Variants in TIMM9 observed in about 807,000 individuals in gnomAD.
TIMM9 encodes translocase of inner mitochondrial membrane 9, also known as mitochondrial import inner membrane translocase subunit Tim9.
TIMM9 carries 10 observed loss-of-function variants against 13.4 expected under a neutral mutation model. That is an observed-to-expected ratio of 0.75 (90% CI 0.46 to 1.26). TIMM9 has a LOEUF of 1.26. TIMM9 is among the 50% of genes most tolerant of loss of function. The pLI, the probability that TIMM9 is intolerant of heterozygous loss-of-function variation, is 0.00. For synonymous variants in TIMM9, 32 were observed against 32.1 expected, an observed-to-expected ratio of 1.00 and a Z score of 0.01; for missense variants, 87 against 100.8, an observed-to-expected ratio of 0.86 and a Z score of 0.58.
At chr14:58,425,826 TA>T (rs1228666031) in intron 2 of TIMM9, among the ~76,000 whole-genome samples, 8 of 151,920 alleles carry the variant, frequency 5.3e-5, no homozygotes, top group Admixed American at 3.9e-4. Context: ...GTAACTAAAA[TA>T]AAAAATAATG....
intron 4 of TIMM9, among the ~76,000 whole-genome samples, chr14:58,411,422 T>G (rs905331611): frequency 6.6e-6 from 1 of 151,372 alleles, no homozygotes; most frequent in Non-Finnish European, 1.5e-5. Flanking sequence ...CACTCCAGCC[T>G]GGCCGACAAA....
At chr14:58,421,408 G>T (rs1449522076) in intron 3 of TIMM9, among the ~76,000 whole-genome samples, 2 of 152,140 alleles carry the variant, frequency 1.3e-5, no homozygotes, top group African/African-American at 4.8e-5. Flanking sequence ...CTTTGTAATA[G>T]AAATATTCTG....
chr14:58,421,560 C>T (rs984341985), intron 3 of TIMM9, among the ~76,000 whole-genome samples: 6 of 152,040 alleles, frequency 3.9e-5, no homozygotes, highest in Non-Finnish European at 8.8e-5. Flanking sequence ...TCAATCCACA[C>T]TAACCTCAAA....
Position 58,427,242 on chromosome 14 carries a change from T to A in TIMM9, c.-303A>T, listed in dbSNP as rs1433999527. The A allele has an allele frequency of 1.9e-5, 4 of 208,148 alleles. No homozygotes were observed. The highest frequency in any genetic ancestry group is 1.3e-4 in the East Asian group (1 of 7,628). The allele number at this position is 208,148 out of a possible 1,614,324, so 12.9% of individuals were successfully genotyped here. A position where few individuals can be genotyped will look rare whatever the true frequency, so the allele number is the denominator to read the frequency against. ...GCCGATTCGTTATAACGCGAGGAAATCTAGAAGAAAAAGCAGGTACCATCA... is the reference window on the plus strand; with the variant it reads ...GCCGATTCGTTATAACGCGAGGAAAACTAGAAGAAAAAGCAGGTACCATCA... On this transcript the variant is annotated splice_region_variant and 5_prime_UTR_variant, in exon 2 of 6. Transcript: ENST00000395159.
chr14:58,411,988 A>G lies in TIMM9; in HGVS notation c.-26-17T>C, dbSNP rs2036235785. ...ATTAGTCACCTAATTTAAAAATTCA[A>G]AACAAGTTTGTCAATCTATAAACAA... On this transcript the variant is annotated splice_polypyrimidine_tract_variant and intron_variant, in intron 3 of 5. Coordinates refer to ENST00000395159, the MANE Select transcript of TIMM9 (RefSeq NM_012460.4). 1.9e-6 allele frequency: 3 copies of G among 1,590,696 alleles called. No individual in the cohort carries two copies. The highest frequency in any genetic ancestry group is 2.2e-5 in the South Asian group (2 of 90,326).
chr14:58,418,134 A>T lies in TIMM9; in HGVS notation c.-27+5874T>A, dbSNP rs191237791. 5.3e-5 allele frequency among the ~76,000 whole-genome samples: 8 copies of T among 152,326 alleles called. 1 individual carries two copies. The South Asian group carries it at 6.2e-4, about 12-fold the overall frequency. On this transcript the variant is annotated intron_variant, in intron 3 of 5. Transcript: ENST00000395159. ...AAAAGAATTATACAACTTGACCAAG[A>T]AGGGTTTATTCCAGGGATGCAAGAC...
intron 3 of TIMM9, among the ~76,000 whole-genome samples, chr14:58,413,976 C>T (rs1321949579): frequency 1.1e-4 from 14 of 125,688 alleles, no homozygotes; most frequent in Non-Finnish European, 1.7e-4. Context: ...CACTGCACTC[C>T]GGCCTGGGTG....
At chr14:58,419,451 TCA>T (rs67147520) in intron 3 of TIMM9, among the ~76,000 whole-genome samples, 22,048 of 112,602 alleles carry the variant, frequency 0.2, 1,837 homozygotes, top group East Asian at 0.26. Context: ...TGAGACCCCG[TCA>T]CACACACACA....
At chr14:58,413,868 G>A (rs528500710) in intron 3 of TIMM9, among the ~76,000 whole-genome samples, 10 of 151,872 alleles carry the variant, frequency 6.6e-5, no homozygotes, top group South Asian at 6.3e-4. Flanking sequence ...TTAGCTGGGC[G>A]TGGTGGTGGG....
In TIMM9 at chr14:58,410,876, T is replaced by G. The variant is rs1177407545; in HGVS notation, c.102A>C (p.Lys34Asn). 1 of 1,613,104 alleles carries G rather than the reference T, an allele frequency of 6.2e-7. No individual in the cohort carries two copies. The highest frequency in any genetic ancestry group is 8.5e-7 in the Non-Finnish European group (1 of 1,179,804). The change falls in exon 5 of 6, where the codon AAA (lysine) becomes AAC (asparagine). Residue 34 changes from lysine to asparagine, a missense_variant. By Grantham distance (94) the Lys-to-Asn change is moderately conservative. Coordinates refer to ENST00000395159, the MANE Select transcript of TIMM9 (RefSeq NM_012460.4). The part of the protein sequence containing the change: ...LTETCFLDCV[K>N]DFTTREVKPE... ...GTTTTACTTCTCTTGTTGTGAAGTCTTTAACACAGTCCAAAAAGCAGGTCT... is the reference window on the plus strand; with the variant it reads ...GTTTTACTTCTCTTGTTGTGAAGTCGTTAACACAGTCCAAAAAGCAGGTCT...
At chr14:58,413,176 T>C (rs1237855251) in intron 3 of TIMM9, among the ~76,000 whole-genome samples, 1 of 152,184 alleles carries the variant, frequency 6.6e-6, no homozygotes, top group Non-Finnish European at 1.5e-5. Flanking sequence ...CACATCTCAA[T>C]TTGAATGCTA....
Position 58,408,808 on chromosome 14 carries a change from C to G in TIMM9, c.*226G>C. The G allele has an allele frequency of 1.4e-6, 1 of 695,296 alleles. No homozygotes were observed. The highest frequency in any genetic ancestry group is 2.3e-5 in the South Asian group (1 of 44,408). 43.1% of individuals were successfully genotyped at this position (695,296 alleles called of 1,614,324 possible). On this transcript the variant is annotated 3_prime_UTR_variant, in exon 6 of 6. Transcript: ENST00000395159. ...AAGCTGCTGAATCATAAGGCCTCAA[C>G]AAATGTTGCATCTTATTATTTCACT...
rs72716992 is a variant in TIMM9 at position 58,414,871 on chromosome 14, G to A, written c.-26-2900C>T. Among the ~76,000 whole-genome samples the A allele has an allele frequency of 2.9e-3, 438 of 152,208 alleles. 6 individuals are homozygous for A. Among genetic ancestry groups the A allele is most frequent in the Middle Eastern group, 0.017 (5 of 294 alleles). ...CGAGTGTCAGTGGAAACCACACAGG[G>A]AGCCTGGCTTTCCACCCCAATTGGC... On this transcript the variant is annotated intron_variant, in intron 3 of 5. Coordinates refer to ENST00000395159, the MANE Select transcript of TIMM9 (RefSeq NM_012460.4).
intron 2 of TIMM9, among the ~76,000 whole-genome samples, chr14:58,425,612 T>C (rs768939609): frequency 6.6e-6 from 1 of 151,530 alleles, no homozygotes; most frequent in Non-Finnish European, 1.5e-5. Flanking sequence ...CCAAATTAAG[T>C]TGTCATTTTA....
At chr14:58,415,256 G>T (rs933007297) in intron 3 of TIMM9, among the ~76,000 whole-genome samples, 1 of 152,072 alleles carries the variant, frequency 6.6e-6, no homozygotes, top group African/African-American at 2.4e-5. Context: ...CAGATAAAAT[G>T]ATTAAATAAC....
intron 2 of TIMM9, among the ~76,000 whole-genome samples, chr14:58,425,176 T>A (rs1412217011): frequency 6.6e-6 from 1 of 152,110 alleles, no homozygotes; most frequent in African/African-American, 2.4e-5. Context: ...TTTGGGAGGC[T>A]GAGGTGGGCA....
chr14:58,419,333 T>C (rs1026363380), intron 3 of TIMM9, among the ~76,000 whole-genome samples: 1 of 151,902 alleles, frequency 6.6e-6, no homozygotes, highest in African/African-American at 2.4e-5. Flanking sequence ...CACATGCCTG[T>C]AGTCCCAGTT....
intron 3 of TIMM9, among the ~76,000 whole-genome samples, chr14:58,412,949 A>G (rs957638177): frequency 6.6e-6 from 1 of 152,066 alleles, no homozygotes; most frequent in Admixed American, 6.6e-5. Flanking sequence ...AAGGAAATCA[A>G]GAGATTTTTG....
intron 3 of TIMM9, among the ~76,000 whole-genome samples, chr14:58,421,538 TG>T (rs1261195501): frequency 2.6e-5 from 4 of 152,176 alleles, no homozygotes; most frequent in Non-Finnish European, 5.9e-5. Flanking sequence ...TGTTAATTGT[TG>T]GAAGTGTATT....
Sources: allele counts gnomAD v4.1 joint callset (sites outside exome capture counted in the v4.1 genomes callset), GRCh38; gene constraint gnomAD v4.1.1; transcripts MANE v1.5; gene names NCBI Gene and HGNC (gene_info 2026-07-23, HGNC 2026-07-21).